AKAP13: variants seen among roughly 807,000 people sequenced by gnomAD.
The protein encoded by AKAP13 is A-kinase anchor protein 13.
AKAP13 carries 80 observed loss-of-function variants against 264.5 expected under a neutral mutation model. The observed-to-expected ratio is 0.30, with a 90% CI of 0.25 to 0.36. AKAP13 has a LOEUF of 0.36. AKAP13 is among the 10% of genes least tolerant of loss of function. AKAP13 has a pLI of 1.00. For missense variants in AKAP13, 3,712 were observed against 3,435.2 expected (o/e 1.08, Z -2.01); for synonymous variants, 1,380 against 1,250.2 (o/e 1.10, Z -2.19).
At chr15:85,456,858 A>G (rs1358402690) in intron 1 of AKAP13, among the ~76,000 whole-genome samples, 1 of 152,178 alleles carries the variant, frequency 6.6e-6, no homozygotes, top group Non-Finnish European at 1.5e-5. Context: ...TTATTACTAT[A>G]CGTTCTTGTT....
rs577675733 is a variant in AKAP13 at position 85,610,486 on chromosome 15, C to T, written c.4161+24663C>T. On this transcript the variant is annotated intron_variant, in intron 8 of 36. Coordinates refer to ENST00000394518, the MANE Select transcript of AKAP13 (RefSeq NM_007200.5). ...AGTATACAAAAGGATAGTCGTGATG[C>T]ATGGAACTCACTTCTTGGTAATGGT... 2.0e-5 allele frequency among the ~76,000 whole-genome samples: 3 copies of T among 152,344 alleles called. No homozygotes were observed. The East Asian group carries it at 5.8e-4, about 29-fold the overall frequency.
intron 2 of AKAP13, among the ~76,000 whole-genome samples, chr15:85,514,055 G>A (rs2076528599): frequency 7.3e-6 from 1 of 137,470 alleles, no homozygotes; most frequent in Non-Finnish European, 1.6e-5. Context: ...CAGTCTTTGG[G>A]GAGACACTTA....
rs1252854083 is a variant in AKAP13, at chr15:85,614,137, G to T, written c.4162-25237G>T. On this transcript the variant is annotated intron_variant, in intron 8 of 36. Transcript: ENST00000394518. ...AGTGTGCACCATGTCAGAGGATTTT[G>T]TTTGGGGCATCCACATCACAAGAAG... Among the ~76,000 whole-genome samples the T allele has an allele frequency of 5.3e-5, 8 of 152,200 alleles. 1 individual carries two copies. Among genetic ancestry groups the T allele is most frequent in the Admixed American group, 5.2e-4 (8 of 15,284 alleles).
At chr15:85,689,539 C>T (rs2085151059) in intron 16 of AKAP13, among the ~76,000 whole-genome samples, 1 of 152,324 alleles carries the variant, frequency 6.6e-6, no homozygotes, top group African/African-American at 2.4e-5. Context: ...ACAGCTAAAG[C>T]ATTTTGCCAG....
rs1284247945 is a variant in AKAP13 at position 85,730,775 on chromosome 15, G to A, written c.7282+68G>A. 4.1e-5 allele frequency: 57 copies of A among 1,389,432 alleles called. No homozygotes were observed. The East Asian group carries it at 1.3e-3, about 31-fold the overall frequency. The allele number at this position is 1,389,432 out of a possible 1,614,324, so 86.1% of individuals were successfully genotyped here. ...AGTGGTTTACACACTAATATTACCT[G>A]CCAGTTTTTACTTTTTTACTTTAAA... On this transcript the variant is annotated intron_variant, in intron 30 of 36. Transcript: ENST00000394518.
intron 18 of AKAP13, among the ~76,000 whole-genome samples, chr15:85,709,319 TC>T (rs943833572): frequency 6.6e-6 from 1 of 152,112 alleles, no homozygotes; most frequent in African/African-American, 2.4e-5. Context: ...GTCTGTATCT[TC>T]CCCCCACTAG....
chr15:85,475,587 G>A (rs1198285670), intron 1 of AKAP13, among the ~76,000 whole-genome samples: 1 of 152,182 alleles, frequency 6.6e-6, no homozygotes, highest in Non-Finnish European at 1.5e-5. Flanking sequence ...TTCACTTTGA[G>A]GTTGTCTAGT....
At chr15:85,432,732 A>G (rs1446385304) in intron 1 of AKAP13, among the ~76,000 whole-genome samples, 3 of 152,202 alleles carry the variant, frequency 2.0e-5, no homozygotes, top group Non-Finnish European at 4.4e-5. Flanking sequence ...CAGTGTTGCT[A>G]TGGACTAATT....
At chr15:85,667,867 A>G (rs1046960553) in intron 13 of AKAP13, among the ~76,000 whole-genome samples, 25 of 152,222 alleles carry the variant, frequency 1.6e-4, no homozygotes, top group African/African-American at 6.0e-4. Context: ...CGGGAATTTG[A>G]CAGATAACCC....
At chr15:85,548,293 A>G (rs752536654) in intron 5 of AKAP13, among the ~76,000 whole-genome samples, 5 of 152,176 alleles carry the variant, frequency 3.3e-5, no homozygotes, top group African/African-American at 7.2e-5. Flanking sequence ...GGATATTGCT[A>G]TTTACTTCCT....
At chr15:85,618,905 C>T (rs995874966) in intron 8 of AKAP13, among the ~76,000 whole-genome samples, 4 of 152,172 alleles carry the variant, frequency 2.6e-5, no homozygotes, top group Non-Finnish European at 5.9e-5. Context: ...AGCCACGTCT[C>T]GATCCTAGAG....
chr15:85,735,954 A>G (rs1380245028), intron 32 of AKAP13, 136 bp from the exon 33 acceptor site: 19 of 782,422 alleles, frequency 2.4e-5, no homozygotes, highest in Non-Finnish European at 3.7e-5. Flanking sequence ...AAATAGTTCA[A>G]CCTCTTAAAC....
chr15:85,415,089 A>G (rs982241983), intron 1 of AKAP13: 4 of 609,208 alleles, frequency 6.6e-6, no homozygotes, highest in Non-Finnish European at 8.6e-6. Context: ...TACTCTGAAA[A>G]TTCATAATTT....
intron 5 of AKAP13, among the ~76,000 whole-genome samples, chr15:85,558,536 A>C (rs1418578570): frequency 1.3e-5 from 2 of 152,196 alleles, no homozygotes; most frequent in Admixed American, 1.3e-4. Context: ...GCCTAGACAA[A>C]TGAGCAAAAA....
chr15:85,591,938 G>A (rs2079598912), intron 8 of AKAP13, among the ~76,000 whole-genome samples: 1 of 151,836 alleles, frequency 6.6e-6, no homozygotes, highest in Non-Finnish European at 1.5e-5. Flanking sequence ...CTATGTTCAA[G>A]GACAACTGTA....
intron 2 of AKAP13, among the ~76,000 whole-genome samples, chr15:85,486,757 T>TTTG (rs71138400): frequency 1.4e-5 from 2 of 143,780 alleles, no homozygotes; most frequent in African/African-American, 5.0e-5. Context: ...TTTTTTTTTT[T>TTTG]GGATGGAGTC....
chr15:85,541,588 T>G (rs564355387), intron 4 of AKAP13, among the ~76,000 whole-genome samples: 17 of 152,312 alleles, frequency 1.1e-4, no homozygotes, highest in African/African-American at 4.1e-4. Context: ...GGAAAAGGTT[T>G]TTTGTTTGTT....
At chr15:85,441,620 G>A (rs1400603425) in intron 1 of AKAP13, among the ~76,000 whole-genome samples, 3 of 152,052 alleles carry the variant, frequency 2.0e-5, no homozygotes, top group Admixed American at 6.5e-5. Flanking sequence ...TTTTCTTGTA[G>A]ATATTTCATA....
chr15:85,528,171 G>C (rs1223919068), intron 3 of AKAP13, among the ~76,000 whole-genome samples: 1 of 152,196 alleles, frequency 6.6e-6, no homozygotes, highest in Non-Finnish European at 1.5e-5. Flanking sequence ...CATATAGTGA[G>C]AAGGAGCCTG....
Sources: allele counts gnomAD v4.1 joint callset (sites outside exome capture counted in the v4.1 genomes callset), GRCh38; gene constraint gnomAD v4.1.1; transcripts MANE v1.5; gene names NCBI Gene and HGNC (gene_info 2026-07-23, HGNC 2026-07-21).